Variants in MRPS21 observed in about 807,000 individuals in gnomAD.
The protein encoded by MRPS21 is small ribosomal subunit protein bS21m.
A neutral mutation model predicts 9.9 loss-of-function variants in MRPS21; 8 were observed. The ratio of observed to expected loss-of-function variants is 0.81; its 90% confidence interval spans 0.47 to 1.45. MRPS21 has a LOEUF of 1.45. Ranked by LOEUF, MRPS21 falls within the 40% of genes most tolerant of loss-of-function variation. The probability of loss-of-function intolerance (pLI) is 0.00; values close to 1 mark genes in which losing one functional copy is unlikely to be tolerated. For missense variants in MRPS21, 101 were observed against 118.9 expected (o/e 0.85, Z 0.70); for synonymous variants, 40 against 40.3 (o/e 0.99, Z 0.03).
chr1:150,304,065 C>T (rs782462674), intron 2 of MRPS21: 21 of 382,908 alleles, frequency 5.5e-5, no homozygotes, highest in South Asian at 3.8e-4. Flanking sequence ...AATCCCAGCA[C>T]TTTGGGAGGC....
chr1:150,304,980 A>G (rs782766957), intron 2 of MRPS21: 5 of 363,978 alleles, frequency 1.4e-5, no homozygotes, highest in African/African-American at 4.4e-5. Context: ...CGGAGGTTGC[A>G]GTGAGCCAAG....
At chr1:150,294,712 A>G (rs1653849173) in intron 2 of MRPS21, among the ~76,000 whole-genome samples, 1 of 151,930 alleles carries the variant, frequency 6.6e-6, no homozygotes, top group Non-Finnish European at 1.5e-5. Flanking sequence ...CAGCCTGGCC[A>G]ACATGGTGAA....
At chr1:150,307,348 C>CTTTTTTTTTTTTTTTTTTTTTTTTTTTTT (rs1572154026) in intron 2 of MRPS21, among the ~76,000 whole-genome samples, 2 of 87,552 alleles carry the variant, frequency 2.3e-5, no homozygotes, top group African/African-American at 4.4e-5. Flanking sequence ...GTGCCCAGTC[C>CTTTTTTTTTTTTTTTTTTTTTTTTTTTTT]TTTTTTTTTT....
chr1:150,304,240 G>A, intron 2 of MRPS21: 1 of 283,678 alleles, frequency 3.5e-6, no homozygotes, highest in Non-Finnish European at 7.2e-6. Context: ...GAACCTGAGA[G>A]GTTGAGGCTG....
intron 2 of MRPS21, among the ~76,000 whole-genome samples, chr1:150,301,737 C>T (rs1345612117): frequency 6.6e-6 from 1 of 151,800 alleles, no homozygotes; most frequent in Non-Finnish European, 1.5e-5. Flanking sequence ...TCCCGAGTAG[C>T]TGGGATTACA....
intron 2 of MRPS21, among the ~76,000 whole-genome samples, chr1:150,295,140 C>G (rs1041517355): frequency 2.0e-5 from 3 of 151,736 alleles, no homozygotes; most frequent in African/African-American, 7.3e-5. Context: ...GTACTACAGG[C>G]TCCCGCCACC....
chr1:150,300,021 A>G (rs73013119), intron 2 of MRPS21, among the ~76,000 whole-genome samples: 7,188 of 152,080 alleles, frequency 0.047, 431 homozygotes, highest in African/African-American at 0.13. Flanking sequence ...ATGAGATTTC[A>G]CCAGGATTGA....
intron 1 of MRPS21, 122 bp from the exon 2 acceptor site, chr1:150,294,213 C>G (rs1287622856): frequency 3.2e-6 from 2 of 631,072 alleles, no homozygotes; most frequent in Non-Finnish European, 5.8e-6. Context: ...CTTCCATGTG[C>G]TCCATCTCGC....
chr1:150,304,732 G>A lies in MRPS21; in HGVS notation c.84-3316G>A, dbSNP rs191426674. On this transcript the variant is annotated intron_variant, in intron 2 of 2. Coordinates refer to ENST00000614145, the MANE Select transcript of MRPS21 (RefSeq NM_031901.6). ...ATCGTGCCACTGCAACTCCTGCCTG[G>A]GCAACAGAGCGAGACTCTGTCTCAA... 1,049 of 160,274 alleles carry A rather than the reference G, an allele frequency of 6.5e-3. 16 individuals are homozygous for A. The highest frequency in any genetic ancestry group is 0.031 in the African/African-American group (1,009 of 32,304). The allele number at this position is 160,274 out of a possible 1,614,324, so 9.9% of individuals were successfully genotyped here. A position where few individuals can be genotyped will look rare whatever the true frequency, so the allele number is the denominator to read the frequency against.
chr1:150,307,268 G>A (rs1352746070), intron 2 of MRPS21, among the ~76,000 whole-genome samples: 8 of 149,586 alleles, frequency 5.3e-5, no homozygotes, highest in Non-Finnish European at 1.0e-4. Flanking sequence ...GGCTGGTCTC[G>A]AACTCCCGAC....
chr1:150,299,385 C>T (rs1440969488), intron 2 of MRPS21, among the ~76,000 whole-genome samples: 1 of 151,788 alleles, frequency 6.6e-6, no homozygotes, highest in African/African-American at 2.4e-5. Flanking sequence ...CTTGTCCAGC[C>T]ACTATATTTT....
chr1:150,306,538 C>T (rs1417571157), intron 2 of MRPS21, among the ~76,000 whole-genome samples: 1 of 152,128 alleles, frequency 6.6e-6, no homozygotes, highest in Non-Finnish European at 1.5e-5. Flanking sequence ...TCTTGTTGCC[C>T]AGGCTGGAGT....
At chr1:150,302,183 G>C (rs1351255660) in intron 2 of MRPS21, among the ~76,000 whole-genome samples, 1 of 152,116 alleles carries the variant, frequency 6.6e-6, no homozygotes, top group Non-Finnish European at 1.5e-5. Flanking sequence ...ACAACAATAG[G>C]TAGGAGAGCA....
chr1:150,301,028 T>A (rs138496123), intron 2 of MRPS21, among the ~76,000 whole-genome samples: 3,102 of 148,390 alleles, frequency 0.021, 58 homozygotes, highest in Non-Finnish European at 0.027. Flanking sequence ...TGAAACCCTG[T>A]CTCTACTAAA....
intron 2 of MRPS21, among the ~76,000 whole-genome samples, chr1:150,305,929 G>A (rs1459172734): frequency 6.6e-6 from 1 of 152,158 alleles, no homozygotes; most frequent in African/African-American, 2.4e-5. Flanking sequence ...CTGTACATTG[G>A]AATCACCTTG....
In MRPS21 at chr1:150,304,262, GAT is replaced by G. The variant is rs1372629519; in HGVS notation, c.84-3785_84-3784del. On this transcript the variant is annotated intron_variant, in intron 2 of 2. Transcript: ENST00000614145. The stretch of plus-strand genomic sequence containing the variant: ...AGAGGTTGAGGCTGCAGTGAGCCAA[GAT>G]GGTGACACTGCACTCCAGCCTGGGC... 4.0e-5 allele frequency: 10 copies of G among 248,496 alleles called. No individual in the cohort carries two copies. The Admixed American group carries it at 4.6e-4, about 11-fold the overall frequency. 15.4% of individuals were successfully genotyped at this position (248,496 alleles called of 1,614,324 possible). A position where few individuals can be genotyped will look rare whatever the true frequency, so the allele number is the denominator to read the frequency against.
In MRPS21 at chr1:150,294,410, A is replaced by G. The variant is rs370296241; in HGVS notation, c.44A>G (p.Gln15Arg). Residue 15 changes from glutamine to arginine, a missense_variant, in exon 2 of 3, where the codon CAG becomes CGG. Gln to Arg is a conservative substitution (Grantham distance 43). Transcript: ENST00000614145. ...LKFIARTVMV[Q>R]EGNVESAYRT... is the part of the protein sequence containing the mutation. ...TTCATCGCCAGGACTGTGATGGTAC[A>G]GGAAGGGAACGTGGAAAGCGCATAC... is the stretch of plus-strand genomic sequence containing the variant. 3 of 1,613,732 alleles carry G rather than the reference A, an allele frequency of 1.9e-6. No homozygotes were observed. The African/African-American group carries it at 4.0e-5, about 22-fold the overall frequency.
intron 2 of MRPS21, among the ~76,000 whole-genome samples, chr1:150,301,888 G>A (rs979574595): frequency 6.3e-4 from 96 of 152,218 alleles, no homozygotes; most frequent in African/African-American, 2.1e-3. Context: ...GTGAGCCACC[G>A]TGCCCGGCCT....
intron 2 of MRPS21, among the ~76,000 whole-genome samples, chr1:150,307,426 C>T (rs1365111034): frequency 7.0e-6 from 1 of 142,848 alleles, no homozygotes; most frequent in Non-Finnish European, 1.5e-5. Flanking sequence ...GGTAGGATCT[C>T]AGCTCACTGC....
Sources: allele counts gnomAD v4.1 joint callset (sites outside exome capture counted in the v4.1 genomes callset), GRCh38; gene constraint gnomAD v4.1.1; transcripts MANE v1.5; gene names NCBI Gene and HGNC (gene_info 2026-07-23, HGNC 2026-07-21).